Variants in TSPAN3 observed in about 807,000 individuals in gnomAD.
The protein encoded by TSPAN3 is tetraspanin-3.
Under a neutral mutation model 31.1 loss-of-function variants are expected in TSPAN3, and 9 were observed. The observed-to-expected ratio is 0.29, with a 90% CI of 0.17 to 0.50. TSPAN3 has a LOEUF of 0.50. TSPAN3 is among the 20% of genes least tolerant of loss of function. The probability of loss-of-function intolerance (pLI) is 0.98; values close to 1 mark genes in which losing one functional copy is unlikely to be tolerated. For missense variants in TSPAN3, 252 were observed against 313.5 expected (o/e 0.80, Z 1.48); for synonymous variants, 129 against 114.3 (o/e 1.13, Z -0.82).
Position 77,046,036 on chromosome 15 carries a change from T to C in TSPAN3, c.*799A>G, listed in dbSNP as rs755684610. 1 of 173,744 alleles carries C rather than the reference T, an allele frequency of 5.8e-6. No homozygotes were observed. Among genetic ancestry groups the C allele is most frequent in the Non-Finnish European group, 1.2e-5 (1 of 82,560 alleles). 10.8% of individuals were successfully genotyped at this position (173,744 alleles called of 1,614,324 possible). A position where few individuals can be genotyped will look rare whatever the true frequency, so the allele number is the denominator to read the frequency against. On this transcript the variant is annotated 3_prime_UTR_variant, in exon 7 of 7. Coordinates refer to ENST00000267970, the MANE Select transcript of TSPAN3 (RefSeq NM_005724.6). ...TAATGAAAAATAATATGTTGGGGGC[T>C]GATACAGAGTTTATTGAATTAGATT...
chr15:77,047,608 T>G (rs1305465020), intron 6 of TSPAN3, among the ~76,000 whole-genome samples: 1 of 152,244 alleles, frequency 6.6e-6, no homozygotes, highest in East Asian at 1.9e-4. Context: ...AAGGTCACTC[T>G]TCCGTCATCA....
intron 5 of TSPAN3, 63 bp downstream of exon 5, chr15:77,052,714 T>C (rs1289271099): frequency 1.9e-6 from 3 of 1,567,662 alleles, no homozygotes; most frequent in Admixed American, 1.8e-5. Flanking sequence ...TCCCAGATGG[T>C]GATAAGACAT....
chr15:77,061,894 T>C (rs1044773035), intron 1 of TSPAN3, among the ~76,000 whole-genome samples: 8 of 152,202 alleles, frequency 5.3e-5, no homozygotes, highest in African/African-American at 1.9e-4. Flanking sequence ...TGACAAATTC[T>C]TGCTTGCCTG....
chr15:77,057,311 CATCATCCTTTAAAATTTAACATATAA>C (rs2076774504), intron 1 of TSPAN3, among the ~76,000 whole-genome samples: 1 of 152,188 alleles, frequency 6.6e-6, no homozygotes, highest in Non-Finnish European at 1.5e-5. Flanking sequence ...AGAAGTATTT[CATCATCCTTTAAAATTTAACATATAA>C]ATCATCTTCA....
intron 1 of TSPAN3, among the ~76,000 whole-genome samples, chr15:77,065,628 G>A (rs758935571): frequency 1.3e-5 from 2 of 152,092 alleles, no homozygotes; most frequent in Non-Finnish European, 2.9e-5. Flanking sequence ...GGGTTTCACC[G>A]TGTTAGTCAG....
chr15:77,056,248 G>T lies in TSPAN3; in HGVS notation c.71C>A (p.Ala24Asp). The change falls in exon 2 of 7, where the codon GCT becomes GAT. Residue 24 changes from alanine to aspartate, a missense_variant. By Grantham distance (126) the Ala-to-Asp change is moderately radical (BLOSUM62 -2). Transcript: ENST00000267970. Reference sequence around the variant, plus strand: ...GGCTCCCACATAGCATAAAATGCCAGCTGCCCCCTGTAGAAAACAAAGTCA... The same window carrying T: ...GGCTCCCACATAGCATAAAATGCCATCTGCCCCCTGTAGAAAACAAAGTCA... ...VFLNLIFWGA[A>D]GILCYVGAYV... 6.3e-7 allele frequency: 1 copy of T among 1,594,830 alleles called. No homozygotes were observed. Among genetic ancestry groups the T allele is most frequent in the Non-Finnish European group, 8.5e-7 (1 of 1,173,888 alleles).
Position 77,070,602 on chromosome 15 carries a change from G to A in TSPAN3, c.63+290C>T, listed in dbSNP as rs575380238. ...GACTCCGGGGGGGGGAGACTGGGGC[G>A]CCTGGCACGGAGCCAGCCCGCGTGG... On this transcript the variant is annotated intron_variant, in intron 1 of 6. Transcript: ENST00000267970. Among the ~76,000 whole-genome samples, 51 of 152,158 alleles carry A rather than the reference G, an allele frequency of 3.4e-4. No homozygotes were observed. The South Asian group carries it at 9.7e-3, about 29-fold the overall frequency.
chr15:77,061,594 G>A (rs1187522596), intron 1 of TSPAN3, among the ~76,000 whole-genome samples: 3 of 152,108 alleles, frequency 2.0e-5, no homozygotes, highest in African/African-American at 7.2e-5. Context: ...CAACCACGGT[G>A]TAACCTGCCA....
At chr15:77,068,425 A>AT (rs2076846706) in intron 1 of TSPAN3, 1 of 152,248 alleles carries the variant, frequency 6.6e-6, no homozygotes, top group South Asian at 2.1e-4. Context: ...CTTAGAACTG[A>AT]TATTTTAGAG....
intron 1 of TSPAN3, among the ~76,000 whole-genome samples, chr15:77,059,273 G>A (rs1353122595): frequency 3.9e-5 from 6 of 152,126 alleles, no homozygotes; most frequent in East Asian, 1.9e-4. Context: ...TAGTGGAGAC[G>A]GGGTTTCACC....
At chr15:77,049,665 TA>T (rs2076717052) in intron 6 of TSPAN3, among the ~76,000 whole-genome samples, 1 of 152,214 alleles carries the variant, frequency 6.6e-6, no homozygotes. Flanking sequence ...AATTAATTGG[TA>T]TTTTTCAGGT....
intron 1 of TSPAN3, among the ~76,000 whole-genome samples, chr15:77,058,721 T>A (rs928858557): frequency 6.6e-5 from 10 of 152,232 alleles, no homozygotes; most frequent in African/African-American, 2.4e-4. Context: ...CCCCTTTCCC[T>A]TGAAATCACC....
At position 77,045,686 on chromosome 15, in the gene TSPAN3, G is replaced by C. The variant is rs546905919; in HGVS notation, c.*1149C>G. The C allele has an allele frequency of 3.3e-5, 5 of 152,396 alleles. No individual in the cohort carries two copies. The highest frequency in any genetic ancestry group is 1.2e-4 in the African/African-American group (5 of 41,560). 9.4% of individuals were successfully genotyped at this position (152,396 alleles called of 1,614,324 possible). ...CAGGAAGTCACCCCTGACCTCTCCGGAACTCCCCTTTGGACTCCCATTCTA... is the reference window on the plus strand; with the variant it reads ...CAGGAAGTCACCCCTGACCTCTCCGCAACTCCCCTTTGGACTCCCATTCTA... On this transcript the variant is annotated 3_prime_UTR_variant, in exon 7 of 7. Coordinates refer to ENST00000267970, the MANE Select transcript of TSPAN3 (RefSeq NM_005724.6).
intron 6 of TSPAN3, 139 bp from the exon 7 acceptor site, chr15:77,047,066 A>G (rs2076697613): frequency 1.6e-6 from 1 of 612,868 alleles, no homozygotes; most frequent in Non-Finnish European, 2.8e-6. Context: ...CAGTGATAGA[A>G]GGAATTTCTT....
intron 3 of TSPAN3, chr15:77,054,489 T>C (rs2076755009): frequency 1.1e-5 from 4 of 378,148 alleles, no homozygotes; most frequent in African/African-American, 4.1e-5. Context: ...TTCAGACATA[T>C]ACCACATACA....
At chr15:77,058,380 T>C (rs2076781213) in intron 1 of TSPAN3, among the ~76,000 whole-genome samples, 1 of 152,216 alleles carries the variant, frequency 6.6e-6, no homozygotes, top group African/African-American at 2.4e-5. Flanking sequence ...CTCACTTCTT[T>C]GCCTCCGCTG....
intron 6 of TSPAN3, among the ~76,000 whole-genome samples, chr15:77,050,317 G>C (rs1039019512): frequency 2.6e-5 from 4 of 152,112 alleles, no homozygotes; most frequent in Non-Finnish European, 4.4e-5. Flanking sequence ...TAGGTTTTGA[G>C]TCTGTGAAAG....
rs1311151417 is a variant in TSPAN3, at chr15:77,046,027, G to C, written c.*808C>G. 3.0e-5 allele frequency: 5 copies of C among 167,316 alleles called. No individual in the cohort carries two copies. The highest frequency in any genetic ancestry group is 1.2e-4 in the African/African-American group (5 of 42,112). The allele number at this position is 167,316 out of a possible 1,614,324, so 10.4% of individuals were successfully genotyped here. A position where few individuals can be genotyped will look rare whatever the true frequency, so the allele number is the denominator to read the frequency against. On this transcript the variant is annotated 3_prime_UTR_variant, in exon 7 of 7. Coordinates refer to ENST00000267970, the MANE Select transcript of TSPAN3 (RefSeq NM_005724.6). ...TCCCCCAAATAATGAAAAATAATAT[G>C]TTGGGGGCTGATACAGAGTTTATTG...
intron 1 of TSPAN3, among the ~76,000 whole-genome samples, chr15:77,070,459 C>A (rs956434604): frequency 1.3e-5 from 2 of 152,120 alleles, no homozygotes; most frequent in African/African-American, 4.8e-5. Flanking sequence ...CGCCTCGGGA[C>A]GGCCACTCGT....
Sources: gnomAD v4.1 joint callset for allele counts (sites outside exome capture counted in the v4.1 genomes callset) on GRCh38, gnomAD v4.1.1 for gene constraint, MANE v1.5 for transcripts, NCBI Gene and HGNC (gene_info 2026-07-23, HGNC 2026-07-21) for gene names.